Variants in H3C6 observed in about 807,000 individuals in gnomAD.
The protein encoded by H3C6 is histone H3.1.
Under a neutral mutation model 8.0 loss-of-function variants are expected in H3C6, and 17 were observed. The observed-to-expected ratio is 2.13, with a 90% CI of 1.46 to 3.19. The LOEUF is 3.19. Among genes scored for constraint, H3C6 ranks in the 30% most tolerant of loss-of-function variants. H3C6 has a pLI of 0.00. For synonymous variants in H3C6, 169 were observed against 78.0 expected (o/e 2.17, Z -6.15); for missense variants, 298 against 193.8 (o/e 1.54, Z -3.19).
chr6:26,225,620 T>A (rs1334149998), downstream of H3C6: 2 of 1,558,656 alleles, frequency 1.3e-6, no homozygotes, highest in Admixed American at 1.9e-5. Flanking sequence ...CCAACCACTT[T>A]GTCCGTGAAA....
At chr6:26,225,830 T>C (rs1759534864), downstream of H3C6, 1 of 379,250 alleles carries the variant, frequency 2.6e-6, no homozygotes, top group South Asian at 3.8e-5. Context: ...GTTCAGGCCC[T>C]CTGCTGCTTT....
Position 26,225,262 on chromosome 6 carries a change from G to C in H3C6, c.108G>C (p.Val36=). 1 of 1,614,040 alleles carries C rather than the reference G, an allele frequency of 6.2e-7. No homozygotes were observed. ...AGAGCGCTCCGGCCACGGGCGGCGT[G>C]AAGAAGCCCCATCGCTACCGCCCTG... ...ARKSAPATGG[V]KKPHRYRPGT... The change falls in exon 1 of 1, where the codon GTG becomes GTC. Residue 36 remains valine (V), a synonymous_variant. Coordinates refer to ENST00000614911, the MANE Select transcript of H3C6 (RefSeq NM_003532.3).
chr6:26,225,886 A>C, downstream of H3C6: 1 of 216,390 alleles, frequency 4.6e-6, no homozygotes, highest in Admixed American at 5.4e-5. Flanking sequence ...ACTTAATTGT[A>C]CCCTGCTTAA....
At chr6:26,226,401 T>TTTAC (rs1347853569), downstream of H3C6, 5 of 115,210 alleles carry the variant, frequency 4.3e-5, no homozygotes, top group Non-Finnish European at 8.7e-5. Context: ...TATTTATTTA[T>TTTAC]TTATTTTGAG....
rs757054170 is a variant in H3C6, at chr6:26,225,184, A to G, written c.30A>G (p.Lys10=). Residue 10 remains lysine (K), a synonymous_variant, in exon 1 of 1, where the codon AAA becomes AAG. Coordinates refer to ENST00000614911, the MANE Select transcript of H3C6 (RefSeq NM_003532.3). ...CGCGTACTAAGCAGACGGCTCGTAA[A>G]TCCACAGGCGGTAAAGCACCGCGCA... The part of the protein sequence containing the change: MARTKQTAR[K]STGGKAPRKQ... 7.0e-6 allele frequency: 11 copies of G among 1,582,380 alleles called. No individual in the cohort carries two copies. In the Middle Eastern group the frequency reaches 5.1e-4, roughly 73 times the overall value.
At chr6:26,225,669 T>G, downstream of H3C6, 1 of 1,297,360 alleles carries the variant, frequency 7.7e-7, no homozygotes, top group South Asian at 1.4e-5. Flanking sequence ...ACCACTAAAC[T>G]GCACTGATCC....
At position 26,225,566 on chromosome 6, in the gene H3C6, A is replaced by ATTGTT. The variant is rs1759521092; in HGVS notation, c.*5_*9dup. The ATTGTT allele has an allele frequency of 6.2e-7, 1 of 1,612,018 alleles. No individual in the cohort carries two copies. On this transcript the variant is annotated 3_prime_UTR_variant, in exon 1 of 1. Coordinates refer to ENST00000614911, the MANE Select transcript of H3C6 (RefSeq NM_003532.3). ...CCGCATTCGTGGGGAGAGGGCGTGA[A>ATTGTT]TTGTTTTGAGTACAAACCTTAAATC...
At chr6:26,225,117 A>C, upstream of H3C6, 1 of 1,522,466 alleles carries the variant, frequency 6.6e-7, no homozygotes, top group Non-Finnish European at 8.8e-7. Flanking sequence ...TAGAGGGGCA[A>C]ACCAATCTTC....
chr6:26,225,578 A>G lies in H3C6; in HGVS notation c.*13A>G. ...GGAGAGGGCGTGAATTGTTTTGAGT[A>G]CAAACCTTAAATCCAAAGGCTCTTC... On this transcript the variant is annotated 3_prime_UTR_variant, in exon 1 of 1. Coordinates refer to ENST00000614911, the MANE Select transcript of H3C6 (RefSeq NM_003532.3). 1 of 1,606,464 alleles carries G rather than the reference A, an allele frequency of 6.2e-7. No individual in the cohort carries two copies. Among genetic ancestry groups the G allele is most frequent in the Non-Finnish European group, 8.5e-7 (1 of 1,176,284 alleles).
chr6:26,224,990 G>T (rs1044880906), upstream of H3C6: 4 of 719,770 alleles, frequency 5.6e-6, no homozygotes, highest in Non-Finnish European at 8.9e-6. Context: ...TTACCAATCA[G>T]AATCTTGCAC....
chr6:26,225,024 T>C (rs892491368), upstream of H3C6: 5 of 969,104 alleles, frequency 5.2e-6, no homozygotes, highest in African/African-American at 8.3e-5. Context: ...CAATCGTGAA[T>C]CTCTACGGCC....
chr6:26,225,706 C>A (rs1224524694), downstream of H3C6: 3 of 1,069,734 alleles, frequency 2.8e-6, no homozygotes, highest in Admixed American at 2.9e-5. Flanking sequence ...TAGTGGCATT[C>A]AGTTCCCTCG....
At chr6:26,225,012 A>G (rs1178403494), upstream of H3C6, 11 of 879,338 alleles carry the variant, frequency 1.3e-5, no homozygotes, top group East Asian at 2.6e-5. Context: ...GAAAAAATAA[A>G]CCAATCGTGA....
upstream of H3C6, chr6:26,224,332 G>A (rs933738040): frequency 6.6e-6 from 1 of 152,236 alleles, no homozygotes; most frequent in Admixed American, 6.5e-5. Context: ...TAAAAGTTCT[G>A]TTGGATGTGT....
Position 26,225,385 on chromosome 6 carries a change from G to A in H3C6, c.231G>A (p.Gln77=). The A allele has an allele frequency of 6.2e-7, 1 of 1,614,254 alleles. No homozygotes were observed. The highest frequency in any genetic ancestry group is 8.5e-7 in the Non-Finnish European group (1 of 1,180,046). ...PFQRLVREIA[Q]DFKTDLRFQS... ...AGCGCCTGGTGCGAGAAATAGCTCA[G>A]GACTTCAAGACCGACCTGCGCTTCC... Residue 77 remains glutamine, a synonymous_variant, in exon 1 of 1, where the codon CAG becomes CAA. Transcript: ENST00000614911.
chr6:26,225,370 G>A lies in H3C6; in HGVS notation c.216G>A (p.Val72=). Residue 72 remains valine (V), a synonymous_variant, in exon 1 of 1, where the codon GTG becomes GTA. Coordinates refer to ENST00000614911, the MANE Select transcript of H3C6 (RefSeq NM_003532.3). ...GGAAGCTGCCGTTTCAGCGCCTGGTGCGAGAAATAGCTCAGGACTTCAAGA... is the reference window on the plus strand; with the variant it reads ...GGAAGCTGCCGTTTCAGCGCCTGGTACGAGAAATAGCTCAGGACTTCAAGA... ...LIRKLPFQRL[V]REIAQDFKTD... 3 of 1,614,260 alleles carry A rather than the reference G, an allele frequency of 1.9e-6. No homozygotes were observed. The highest frequency in any genetic ancestry group is 1.7e-6 in the Non-Finnish European group (2 of 1,180,036).
downstream of H3C6, chr6:26,226,974 G>T (rs1319376974): frequency 6.6e-6 from 1 of 152,176 alleles, no homozygotes; most frequent in African/African-American, 2.4e-5. Flanking sequence ...ACTAAGGAAA[G>T]AGGTTAGTCA....
upstream of H3C6, chr6:26,225,112 G>A (rs896280987): frequency 6.6e-7 from 1 of 1,519,254 alleles, no homozygotes; most frequent in Non-Finnish European, 8.8e-7. Flanking sequence ...CTATATAGAG[G>A]GGCAAACCAA....
At chr6:26,225,916 G>A (rs539946338), downstream of H3C6, 10 of 188,058 alleles carry the variant, frequency 5.3e-5, no homozygotes, top group South Asian at 9.1e-4. Context: ...TTGTTTTCTG[G>A]CTCAACGCTC....
Sources: gnomAD v4.1 joint callset for allele counts on GRCh38, gnomAD v4.1.1 for gene constraint, MANE v1.5 for transcripts, NCBI Gene and HGNC (gene_info 2026-07-23, HGNC 2026-07-21) for gene names.